The following MEIKIN variants were observed in gnomAD, a reference collection of about 807,000 sequenced individuals.
MEIKIN encodes the protein meiosis-specific kinetochore protein.
At chr5:131,914,084 A>G (rs1751371586) in intron 7 of MEIKIN, among the ~76,000 whole-genome samples, 1 of 152,182 alleles carries the variant, frequency 6.6e-6, no homozygotes, top group African/African-American at 2.4e-5. Context: ...GGAAAAAGAG[A>G]GACCTGAGCT....
At chr5:131,839,754 GA>G (rs985042338) in intron 11 of MEIKIN, among the ~76,000 whole-genome samples, 1 of 152,162 alleles carries the variant, frequency 6.6e-6, no homozygotes, top group African/African-American at 2.4e-5. Context: ...CTGCATGTGA[GA>G]TGGGTCTCTT....
intron 9 of MEIKIN, among the ~76,000 whole-genome samples, chr5:131,860,754 C>CTTTTTTTTTTTTT (rs35117395): frequency 2.0e-5 from 1 of 51,014 alleles, no homozygotes; most frequent in African/African-American, 8.8e-5. Flanking sequence ...GCCTGTTTGG[C>CTTTTTTTTTTTTT]TTTTTTTTTT....
rs112861450 is a variant in MEIKIN at position 131,836,231 on chromosome 5, C to A, written c.975+15033G>T. On this transcript the variant is annotated intron_variant, in intron 11 of 12. Coordinates refer to ENST00000442687, the MANE Select transcript of MEIKIN (RefSeq NM_001303622.2). ...TTCCTGCAAAAGACATGATCTCATTCTTTTTTTATGGCTGCATAGTATTCC... is the reference window on the plus strand; with the variant it reads ...TTCCTGCAAAAGACATGATCTCATTATTTTTTTATGGCTGCATAGTATTCC... Among the ~76,000 whole-genome samples, 909 of 152,226 alleles carry A rather than the reference C, an allele frequency of 6.0e-3. 6 individuals are homozygous for A. Among genetic ancestry groups the A allele is most frequent in the African/African-American group, 0.021 (862 of 41,518 alleles).
rs572008513 is a variant in MEIKIN at position 131,827,377 on chromosome 5, C to A, written c.976-8514G>T. Among the ~76,000 whole-genome samples, 6 of 152,124 alleles carry A rather than the reference C, an allele frequency of 3.9e-5. No individual in the cohort carries two copies. In the South Asian group the frequency reaches 1.2e-3, roughly 32 times the overall value. ...TGAAAGGAAATAATAATTATGATCA[C>A]AGAAATAAGTCCAAATGTATCAATA... On this transcript the variant is annotated intron_variant, in intron 11 of 12. Coordinates refer to ENST00000442687, the MANE Select transcript of MEIKIN (RefSeq NM_001303622.2).
intron 11 of MEIKIN, among the ~76,000 whole-genome samples, chr5:131,843,632 T>C (rs1475746297): frequency 6.6e-6 from 1 of 152,236 alleles, no homozygotes; most frequent in Non-Finnish European, 1.5e-5. Flanking sequence ...AAGAGTAACC[T>C]TTACTCCAGC....
intron 8 of MEIKIN, among the ~76,000 whole-genome samples, chr5:131,887,699 GTT>G (rs199990669): frequency 2.7e-5 from 4 of 148,096 alleles, no homozygotes; most frequent in Non-Finnish European, 6.0e-5. Context: ...TTGTAAATTT[GTT>G]TTTTTTTTAT....
chr5:131,916,091 T>C (rs1751412189), intron 7 of MEIKIN, among the ~76,000 whole-genome samples: 1 of 152,176 alleles, frequency 6.6e-6, no homozygotes, highest in Non-Finnish European at 1.5e-5. Flanking sequence ...ATGCCAGATG[T>C]CTAGTAGATA....
intron 3 of MEIKIN, among the ~76,000 whole-genome samples, chr5:131,943,727 C>G (rs490054): frequency 0.22 from 32,944 of 151,916 alleles, 3,821 homozygotes; most frequent in East Asian, 0.49. Context: ...GACTACTTTA[C>G]ACTGTTAAAC....
chr5:131,862,699 A>G (rs960051976), intron 9 of MEIKIN, among the ~76,000 whole-genome samples: 1 of 152,048 alleles, frequency 6.6e-6, no homozygotes, highest in African/African-American at 2.4e-5. Flanking sequence ...ATTTATTTCA[A>G]GAATTTTTTT....
intron 8 of MEIKIN, among the ~76,000 whole-genome samples, chr5:131,902,886 T>A (rs1751183016): frequency 6.6e-6 from 1 of 151,736 alleles, no homozygotes; most frequent in Non-Finnish European, 1.5e-5. Context: ...CGAAACCCAA[T>A]CCAAGGAATC....
Position 131,859,103 on chromosome 5 carries a change from C to T in MEIKIN, c.775-4269G>A, listed in dbSNP as rs190552616. Among the ~76,000 whole-genome samples the T allele has an allele frequency of 1.2e-3, 190 of 152,272 alleles. 1 individual carries two copies. Among genetic ancestry groups the T allele is most frequent in the African/African-American group, 4.4e-3 (182 of 41,558 alleles). On this transcript the variant is annotated intron_variant, in intron 9 of 12. Coordinates refer to ENST00000442687, the MANE Select transcript of MEIKIN (RefSeq NM_001303622.2). ...TATACTCAAAGGAATATAAATCATT[C>T]TACCATAAAGACACCTGCACACGTA...
At chr5:131,901,745 A>C (rs1053674737) in intron 8 of MEIKIN, among the ~76,000 whole-genome samples, 1 of 152,132 alleles carries the variant, frequency 6.6e-6, no homozygotes, top group African/African-American at 2.4e-5. Flanking sequence ...TTGGCCCCCC[A>C]CAAAATCTTC....
intron 8 of MEIKIN, among the ~76,000 whole-genome samples, chr5:131,890,605 C>A (rs1750893457): frequency 6.6e-6 from 1 of 152,274 alleles, no homozygotes; most frequent in South Asian, 2.1e-4. Context: ...ATTCTTCTCT[C>A]TTTTCTTCTT....
At chr5:131,807,977 G>A (rs1469844931) in intron 12 of MEIKIN, among the ~76,000 whole-genome samples, 1 of 152,204 alleles carries the variant, frequency 6.6e-6, no homozygotes, top group Non-Finnish European at 1.5e-5. Flanking sequence ...GTGCAGCTAA[G>A]CTGAGAACCA....
At chr5:131,877,854 G>T (rs1031433925) in intron 9 of MEIKIN, among the ~76,000 whole-genome samples, 2 of 152,156 alleles carry the variant, frequency 1.3e-5, no homozygotes, top group Non-Finnish European at 2.9e-5. Flanking sequence ...AAAATGGAAA[G>T]TTCTGGAAAT....
Position 131,902,120 on chromosome 5 carries a change from C to T in MEIKIN, c.703+9695G>A, listed in dbSNP as rs149347185. 4.8e-3 allele frequency among the ~76,000 whole-genome samples: 724 copies of T among 152,282 alleles called. 5 individuals carry two copies. Among genetic ancestry groups the T allele is most frequent in the African/African-American group, 0.017 (687 of 41,552 alleles). On this transcript the variant is annotated intron_variant, in intron 8 of 12. Transcript: ENST00000442687. ...ATGTGAAGTGCCAGCTCCCTCTTTG[C>T]CTTCTGCCATGACTGTAAGTTTCCT... is the stretch of plus-strand genomic sequence containing the variant.
intron 4 of MEIKIN, among the ~76,000 whole-genome samples, chr5:131,936,737 G>C (rs1188575864): frequency 1.3e-5 from 2 of 152,016 alleles, no homozygotes; most frequent in Non-Finnish European, 2.9e-5. Flanking sequence ...TGGGATTACA[G>C]GTGCGTGCTG....
intron 8 of MEIKIN, among the ~76,000 whole-genome samples, chr5:131,881,625 A>G (rs1383981416): frequency 1.3e-5 from 2 of 152,132 alleles, no homozygotes; most frequent in Non-Finnish European, 2.9e-5. Context: ...TGACATCTCC[A>G]CTTGAAAGCT....
chr5:131,855,462 A>T (rs1750176634), intron 9 of MEIKIN, among the ~76,000 whole-genome samples: 1 of 152,066 alleles, frequency 6.6e-6, no homozygotes, highest in East Asian at 1.9e-4. Flanking sequence ...CAGAGTGAGG[A>T]GAGAAACAGA....
Sources: allele counts gnomAD v4.1 joint callset (sites outside exome capture counted in the v4.1 genomes callset), GRCh38; gene constraint gnomAD v4.1.1; transcripts MANE v1.5; gene names NCBI Gene and HGNC (gene_info 2026-07-23, HGNC 2026-07-21).